The following ADNP2 variants were observed in gnomAD, a reference collection of about 807,000 sequenced individuals.
The protein encoded by ADNP2 is ADNP homeobox 2.
Under a neutral mutation model 16.4 loss-of-function variants are expected in ADNP2, and 8 were observed. The observed-to-expected ratio is 0.49, with a 90% CI of 0.29 to 0.88. The LOEUF (loss-of-function observed/expected upper bound fraction) is 0.88. Ranked by LOEUF, ADNP2 falls within the 40% of genes least tolerant of loss-of-function variation. The probability of loss-of-function intolerance (pLI) is 0.09; values close to 1 mark genes in which losing one functional copy is unlikely to be tolerated. For missense variants in ADNP2, 1,397 were observed against 1,395.1 expected (o/e 1.00, Z -0.02); for synonymous variants, 637 against 545.8 (o/e 1.17, Z -2.33).
rs997057094 is a variant in ADNP2, at chr18:80,139,806, C to G, written c.*997C>G. 2.6e-5 allele frequency: 4 copies of G among 152,208 alleles called. No individual in the cohort carries two copies. The highest frequency in any genetic ancestry group is 9.7e-5 in the African/African-American group (4 of 41,416). The allele number at this position is 152,208 out of a possible 1,614,324, so 9.4% of individuals were successfully genotyped here. On this transcript the variant is annotated 3_prime_UTR_variant, in exon 4 of 4. Transcript: ENST00000262198. ...TGGCGAAGTTTACAGACTGAGATCTCAGTCTCCATGGTTGGTACAGTAAGT... is the reference window on the plus strand; with the variant it reads ...TGGCGAAGTTTACAGACTGAGATCTGAGTCTCCATGGTTGGTACAGTAAGT...
intron 2 of ADNP2, among the ~76,000 whole-genome samples, chr18:80,128,164 T>C (rs2052472712): frequency 6.6e-6 from 1 of 152,250 alleles, no homozygotes; most frequent in African/African-American, 2.4e-5. Context: ...CATCTTTTAA[T>C]TGGGCTTAGA....
chr18:80,135,145 A>T (rs2052523838), intron 3 of ADNP2, among the ~76,000 whole-genome samples: 1 of 152,224 alleles, frequency 6.6e-6, no homozygotes, highest in South Asian at 2.1e-4. Flanking sequence ...GTTTTAGTGG[A>T]TGACTTAGAA....
In ADNP2 at chr18:80,136,085, C is replaced by T; in HGVS notation, c.672C>T (p.Ala224=). Residue 224 remains alanine (A), a synonymous_variant, in exon 4 of 4, where the codon GCC becomes GCT. Transcript: ENST00000262198. ...ACTGTAAAAAGTGCAACGCCAATGCCAGCAGCCAGGATGCGTTAATGTATC... is the reference window on the plus strand; with the variant it reads ...ACTGTAAAAAGTGCAACGCCAATGCTAGCAGCCAGGATGCGTTAATGTATC... ...KYYCKKCNAN[A]SSQDALMYHI... is the part of the protein sequence containing the mutation. 1 of 1,614,178 alleles carries T rather than the reference C, an allele frequency of 6.2e-7. No homozygotes were observed. Among genetic ancestry groups the T allele is most frequent in the South Asian group, 1.1e-5 (1 of 91,088 alleles).
intron 1 of ADNP2, among the ~76,000 whole-genome samples, chr18:80,114,571 T>C (rs1170179549): frequency 1.4e-4 from 22 of 152,186 alleles, no homozygotes; most frequent in Admixed American, 1.2e-3. Context: ...AACATTCTCC[T>C]ACATATCCAT....
chr18:80,111,254 G>GT (rs2145187327), intron 1 of ADNP2, among the ~76,000 whole-genome samples: 1 of 152,240 alleles, frequency 6.6e-6, no homozygotes, highest in East Asian at 1.9e-4. Flanking sequence ...ATTTCATTTA[G>GT]TTTTTTGGAG....
Position 80,137,624 on chromosome 18 carries a change from A to G in ADNP2, c.2211A>G (p.Pro737=). 1 of 1,614,200 alleles carries G rather than the reference A, an allele frequency of 6.2e-7. No homozygotes were observed. The highest frequency in any genetic ancestry group is 8.5e-7 in the Non-Finnish European group (1 of 1,180,034). Reference sequence around the variant, plus strand: ...CTGAAAAACTGGCAGCGTGTGCACCATTTCTAAAGTGGATGAGAGAGAAAA... The same window carrying G: ...CTGAAAAACTGGCAGCGTGTGCACCGTTTCTAAAGTGGATGAGAGAGAAAA... ...LEPEKLAACA[P]FLKWMREKTV... is the part of the protein sequence containing the mutation. The change falls in exon 4 of 4, where the codon CCA becomes CCG. Residue 737 remains proline (P), a synonymous_variant. Transcript: ENST00000262198. The surrounding 1 kb of genome is among the most constrained non-coding windows in gnomAD (Gnocchi z 4.2).
At chr18:80,122,815 A>G (rs1433292253) in intron 2 of ADNP2, among the ~76,000 whole-genome samples, 5 of 152,154 alleles carry the variant, frequency 3.3e-5, no homozygotes, top group African/African-American at 7.2e-5. Context: ...TTTTTGCCTC[A>G]TTGTTCTGTT....
At position 80,134,885 on chromosome 18, in the gene ADNP2, T is replaced by C. The variant is rs546766184; in HGVS notation, c.199-727T>C. 2.0e-5 allele frequency among the ~76,000 whole-genome samples: 3 copies of C among 152,302 alleles called. No individual in the cohort carries two copies. The South Asian group carries it at 6.2e-4, about 32-fold the overall frequency. ...ACCTGCATGGGCCAAACACTGTCCA[T>C]TTGGCTCCTACCTTCTCTAGAAATA... On this transcript the variant is annotated intron_variant, in intron 3 of 3. Transcript: ENST00000262198.
At chr18:80,122,257 T>A (rs1026557545) in intron 2 of ADNP2, among the ~76,000 whole-genome samples, 1 of 152,192 alleles carries the variant, frequency 6.6e-6, no homozygotes, top group African/African-American at 2.4e-5. Context: ...GTAAGTTTTA[T>A]AGTAAGTTTT....
Position 80,135,980 on chromosome 18 carries a change from A to G in ADNP2, c.567A>G (p.Leu189=). Residue 189 remains leucine (L), a synonymous_variant, in exon 4 of 4, where the codon CTA becomes CTG. Transcript: ENST00000262198. ...FHYLINSYFG[L]RTEEMGEQPK... ...ACTTAATTAACTCCTACTTTGGCCT[A>G]AGAACTGAGGAAATGGGTGAGCAAC... 6.2e-7 allele frequency: 1 copy of G among 1,614,220 alleles called. No individual in the cohort carries two copies. Among genetic ancestry groups the G allele is most frequent in the Non-Finnish European group, 8.5e-7 (1 of 1,180,032 alleles).
chr18:80,121,877 C>T (rs2052427362), intron 2 of ADNP2, among the ~76,000 whole-genome samples: 1 of 151,868 alleles, frequency 6.6e-6, no homozygotes, highest in Non-Finnish European at 1.5e-5. Context: ...ACTCTCAGTT[C>T]TATTCCATTG....
chr18:80,114,291 G>A (rs1386210284), intron 1 of ADNP2, among the ~76,000 whole-genome samples: 1 of 151,974 alleles, frequency 6.6e-6, no homozygotes, highest in African/African-American at 2.4e-5. Flanking sequence ...ACCACCAGAT[G>A]TTAGTAATCT....
intron 3 of ADNP2, among the ~76,000 whole-genome samples, chr18:80,134,764 C>T (rs1415814022): frequency 1.3e-5 from 2 of 152,106 alleles, no homozygotes; most frequent in Admixed American, 1.3e-4. Context: ...GTCAGTGTTG[C>T]GTTCTGTGGC....
At chr18:80,112,129 C>CT (rs1177114153) in intron 1 of ADNP2, among the ~76,000 whole-genome samples, 1 of 152,050 alleles carries the variant, frequency 6.6e-6, no homozygotes, top group Non-Finnish European at 1.5e-5. Flanking sequence ...TTACTGAGCT[C>CT]TAAGATTCTA....
At chr18:80,135,288 G>A (rs1180834522) in intron 3 of ADNP2, among the ~76,000 whole-genome samples, 2 of 152,220 alleles carry the variant, frequency 1.3e-5, no homozygotes, top group Admixed American at 1.3e-4. Context: ...TTTGTGACAT[G>A]TGGAAAGTAT....
intron 3 of ADNP2, 115 bp from the exon 4 acceptor site, chr18:80,135,497 T>G: frequency 9.2e-7 from 1 of 1,081,346 alleles, no homozygotes; most frequent in Non-Finnish European, 1.3e-6. Flanking sequence ...AAACATTAAG[T>G]CAGGTTAAAT....
In ADNP2 at chr18:80,139,451, A is replaced by T. The variant is rs1010317058; in HGVS notation, c.*642A>T. ...AGAAAATCAAATGTTTTTATTTGTT[A>T]AAAGTAGACTGAATTTGACATCTGG... On this transcript the variant is annotated 3_prime_UTR_variant, in exon 4 of 4. Coordinates refer to ENST00000262198, the MANE Select transcript of ADNP2 (RefSeq NM_014913.4). 2 of 152,052 alleles carry T rather than the reference A, an allele frequency of 1.3e-5. No individual in the cohort carries two copies. Among genetic ancestry groups the T allele is most frequent in the Admixed American group, 1.3e-4 (2 of 15,214 alleles). The allele number at this position is 152,052 out of a possible 1,614,324, so 9.4% of individuals were successfully genotyped here.
At chr18:80,116,758 C>G (rs1026526921) in intron 1 of ADNP2, among the ~76,000 whole-genome samples, 1 of 152,202 alleles carries the variant, frequency 6.6e-6, no homozygotes, top group Admixed American at 6.5e-5. Flanking sequence ...ACCTCAGCCT[C>G]CTGGATAGCT....
chr18:80,132,675 C>T (rs368730275), intron 2 of ADNP2, among the ~76,000 whole-genome samples: 2 of 142,830 alleles, frequency 1.4e-5, no homozygotes, highest in Non-Finnish European at 3.0e-5. Flanking sequence ...CTCCCCTCTT[C>T]CTCCCCTCTC....
Sources: allele counts gnomAD v4.1 joint callset (sites outside exome capture counted in the v4.1 genomes callset), GRCh38; gene constraint gnomAD v4.1.1; non-coding constraint Gnocchi (gnomAD v3.1); transcripts MANE v1.5; gene names NCBI Gene and HGNC (gene_info 2026-07-23, HGNC 2026-07-21).